CPAMD8: variants seen among roughly 807,000 people sequenced by gnomAD.
CPAMD8 encodes C3 and PZP like alpha-2-macroglobulin domain containing 8.
Under a neutral mutation model 224.7 loss-of-function variants are expected in CPAMD8, and 146 were observed. The observed-to-expected ratio is 0.65, with a 90% CI of 0.57 to 0.75. The LOEUF is 0.75. CPAMD8 is among the 30% of genes least tolerant of loss of function. CPAMD8 has a pLI of 0.00. For synonymous variants in CPAMD8, 966 were observed against 1,044.6 expected (o/e 0.92, Z 1.45); for missense variants, 2,301 against 2,537.5 (o/e 0.91, Z 2.00).
intron 12 of CPAMD8, among the ~76,000 whole-genome samples, chr19:16,990,736 A>T (rs2055912493): frequency 6.6e-6 from 1 of 151,414 alleles, no homozygotes; most frequent in South Asian, 2.1e-4. Flanking sequence ...GGTGGCCGGC[A>T]ACTGTAGTCC....
At position 16,952,188 on chromosome 19, in the gene CPAMD8, A is replaced by C; in HGVS notation, c.2289T>G (p.Gly763=). ...GGACCTTCACACTGAGTGTCCCCTC[A>C]CCAGATGGGTCACTGCGGAGAGACA... ...WHCLNISDPS[G]EGTLSVKVPD... The change falls in exon 20 of 42, where the codon GGT becomes GGG. Residue 763 remains glycine (G), a synonymous_variant. Coordinates refer to ENST00000443236, the MANE Select transcript of CPAMD8 (RefSeq NM_015692.5). The C allele has an allele frequency of 6.5e-7, 1 of 1,532,980 alleles. No individual in the cohort carries two copies. The highest frequency in any genetic ancestry group is 1.2e-5 in the South Asian group (1 of 83,624). 95.0% of individuals were successfully genotyped at this position (1,532,980 alleles called of 1,614,324 possible). A position where few individuals can be genotyped will look rare whatever the true frequency, so the allele number is the denominator to read the frequency against.
chr19:16,942,189 C>T (rs2122196623), intron 22 of CPAMD8, among the ~76,000 whole-genome samples: 1 of 152,216 alleles, frequency 6.6e-6, no homozygotes, highest in East Asian at 1.9e-4. Context: ...TGGTCGGGCA[C>T]AGTGGCTCAT....
intron 10 of CPAMD8, among the ~76,000 whole-genome samples, chr19:16,998,852 G>A (rs1353167548): frequency 6.6e-6 from 1 of 152,180 alleles, no homozygotes; most frequent in Non-Finnish European, 1.5e-5. Context: ...AAACAAAAAT[G>A]TAGGTCCACA....
chr19:16,939,443 A>T (rs1568499591), intron 22 of CPAMD8, among the ~76,000 whole-genome samples: 1 of 152,026 alleles, frequency 6.6e-6, no homozygotes, highest in Non-Finnish European at 1.5e-5. Context: ...TCCTGACCTC[A>T]AGCGATCCGC....
rs570963254 is a variant in CPAMD8 at position 16,948,043 on chromosome 19, G to A, written c.2509-816C>T. ...CATCATGTGCATGCTCACACATACT[G>A]GTCTCTGTGTGCATGTGTGTGCATT... On this transcript the variant is annotated intron_variant, in intron 20 of 41. Transcript: ENST00000443236. 1.5e-4 allele frequency among the ~76,000 whole-genome samples: 23 copies of A among 152,082 alleles called. No individual in the cohort carries two copies. The South Asian group carries it at 4.6e-3, about 30-fold the overall frequency.
At position 16,901,297 on chromosome 19, in the gene CPAMD8, C is replaced by T. The variant is rs1226642707; in HGVS notation, c.4686G>A (p.Arg1562=). The change falls in exon 36 of 42, where the codon AGG becomes AGA. Residue 1562 remains arginine, a splice_region_variant and synonymous_variant. Coordinates refer to ENST00000443236, the MANE Select transcript of CPAMD8 (RefSeq NM_015692.5). The part of the protein sequence containing the change: ...EYKVMLEVCT[R]WLHAGSSNMA... ...TATTGGAAGACCCTGCATGCAGCCA[C>T]CTTCCAACAACAGGGGAGAGAGAGA... 6.2e-7 allele frequency: 1 copy of T among 1,605,620 alleles called. No individual in the cohort carries two copies.
In CPAMD8 at chr19:16,929,080, C is replaced by A. The variant is rs756831441; in HGVS notation, c.3006G>T (p.Leu1002=). The A allele has an allele frequency of 1.1e-5, 18 of 1,614,164 alleles. No individual in the cohort carries two copies. The highest frequency in any genetic ancestry group is 1.5e-5 in the Non-Finnish European group (18 of 1,180,006). The change falls in exon 24 of 42, where the codon CTG becomes CTT. Residue 1002 remains leucine, a synonymous_variant. Transcript: ENST00000443236. The part of the protein sequence containing the change: ...QDTAGMIEIV[L]GGHQNTRSWI... ...ATGACCTGGTGTTCTGATGCCCCCC[C>A]AGGACGATCTCGATCATGCCTGCTG...
intron 18 of CPAMD8, among the ~76,000 whole-genome samples, chr19:16,960,630 A>C (rs1444736808): frequency 1.3e-5 from 2 of 152,018 alleles, no homozygotes; most frequent in African/African-American, 4.8e-5. Context: ...GACTGGGCAC[A>C]GTGGCTCACA....
chr19:16,915,774 T>C (rs910866625), intron 27 of CPAMD8, among the ~76,000 whole-genome samples: 18 of 152,138 alleles, frequency 1.2e-4, no homozygotes, highest in African/African-American at 4.3e-4. Flanking sequence ...CTAGGCTCTT[T>C]ATATGAACCA....
chr19:16,947,560 C>T lies in CPAMD8; in HGVS notation c.2509-333G>A, dbSNP rs140563364. Among the ~76,000 whole-genome samples the T allele has an allele frequency of 1.2e-4, 18 of 152,276 alleles. No homozygotes were observed. The South Asian group carries it at 1.7e-3, about 14-fold the overall frequency. On this transcript the variant is annotated intron_variant, in intron 20 of 41. Transcript: ENST00000443236. ...GCCTCTCCTGCATGTCCATCCACTC[C>T]GGGACTCCAGATGGATGTAACCTCT...
chr19:16,894,451 G>A (rs1445342751), intron 41 of CPAMD8: 6 of 456,556 alleles, frequency 1.3e-5, no homozygotes, highest in Middle Eastern at 3.2e-4. Context: ...GCCAGGAGAG[G>A]AGAAAGATTC....
rs1172114222 is a variant in CPAMD8 at position 16,903,682 on chromosome 19, C to T, written c.4407+20G>A. 2 of 1,613,940 alleles carry T rather than the reference C, an allele frequency of 1.2e-6. No homozygotes were observed. The highest frequency in any genetic ancestry group is 2.2e-5 in the East Asian group (1 of 44,882). On this transcript the variant is annotated intron_variant, in intron 33 of 41. Transcript: ENST00000443236. Reference sequence around the variant, plus strand: ...CCCCTCCTCCAACAACCCCCAAACCCTCATCCCAGGAACACGCACCGCTGC... The same window carrying T: ...CCCCTCCTCCAACAACCCCCAAACCTTCATCCCAGGAACACGCACCGCTGC...
chr19:16,951,166 T>C (rs1230302609), intron 20 of CPAMD8, among the ~76,000 whole-genome samples: 1 of 152,132 alleles, frequency 6.6e-6, no homozygotes, highest in East Asian at 1.9e-4. Context: ...CACCAACAGA[T>C]TGAATAACGT....
chr19:17,012,350 C>T (rs74837408), intron 3 of CPAMD8, among the ~76,000 whole-genome samples: 4,382 of 74,182 alleles, frequency 0.059, 262 homozygotes, highest in African/African-American at 0.13. Context: ...TTCTTTCTTT[C>T]TTTTTTTTTT....
At chr19:16,988,256 TG>T (rs917205419) in intron 13 of CPAMD8, among the ~76,000 whole-genome samples, 2 of 152,120 alleles carry the variant, frequency 1.3e-5, no homozygotes, top group African/African-American at 4.8e-5. Context: ...AGTGGTGCCC[TG>T]GGGCAGAGTG....
Position 16,914,480 on chromosome 19 carries a change from C to T in CPAMD8, c.3805G>A (p.Val1269Ile). 1 of 1,614,186 alleles carries T rather than the reference C, an allele frequency of 6.2e-7. No homozygotes were observed. The highest frequency in any genetic ancestry group is 8.5e-7 in the Non-Finnish European group (1 of 1,180,018). The part of the protein sequence containing the change: ...KDIQGGIHGT[V>I]PLTAYVVVAL... Reference sequence around the variant, plus strand: ...ACCACCACGTAGGCTGTCAGCGGGACAGTGCCGTGGATCCCACCCTGCAAG... The same window carrying T: ...ACCACCACGTAGGCTGTCAGCGGGATAGTGCCGTGGATCCCACCCTGCAAG... The change falls in exon 29 of 42, where the codon GTC (valine) becomes ATC (isoleucine). Residue 1269 changes from valine to isoleucine, a missense_variant. Transcript: ENST00000443236.
chr19:17,012,003 G>A (rs890203154), intron 3 of CPAMD8, among the ~76,000 whole-genome samples: 3 of 152,056 alleles, frequency 2.0e-5, no homozygotes, highest in African/African-American at 4.8e-5. Context: ...GGACACCCCC[G>A]CCCTTGGCAA....
At chr19:16,896,938 C>T in intron 39 of CPAMD8, 1 of 336,988 alleles carries the variant, frequency 3.0e-6, no homozygotes, top group African/African-American at 2.1e-5. Context: ...CGCCCTGCAA[C>T]AACAGCCCCG....
In CPAMD8 at chr19:16,957,853, C is replaced by T. The variant is rs774103847; in HGVS notation, c.2276G>A (p.Ser759Asn). The change falls in exon 19 of 42, where the codon AGT becomes AAT. Residue 759 changes from serine (S) to asparagine (N), a missense_variant and splice_region_variant. Physicochemically the swap from Ser to Asn is conservative, Grantham distance 46. Transcript: ENST00000443236. ...ETWIWHCLNI[S>N]DPSGEGTLSV... ...GCGCAGAAAAGAAATCTTAATGTAC[C>T]TGATGTTGAGACAATGCCAAATCCA... is the stretch of plus-strand genomic sequence containing the variant. The T allele has an allele frequency of 3.7e-6, 6 of 1,613,940 alleles. No individual in the cohort carries two copies. Among genetic ancestry groups the T allele is most frequent in the Non-Finnish European group, 5.1e-6 (6 of 1,179,970 alleles).
Sources: gnomAD v4.1 joint callset for allele counts (sites outside exome capture counted in the v4.1 genomes callset) on GRCh38, gnomAD v4.1.1 for gene constraint, MANE v1.5 for transcripts, NCBI Gene and HGNC (gene_info 2026-07-23, HGNC 2026-07-21) for gene names.